FHIT: variants seen among roughly 807,000 people sequenced by gnomAD.
FHIT encodes bis(5'-adenosyl)-triphosphatase.
In FHIT, 19 loss-of-function variants were observed where a neutral mutation model predicts 17.9. The observed-to-expected ratio is 1.06, with a 90% CI of 0.74 to 1.56. The LOEUF (loss-of-function observed/expected upper bound fraction) is 1.56, where lower values mean the gene tolerates loss of function less well. Among genes scored for constraint, FHIT ranks in the 40% most tolerant of loss-of-function variants. The probability of loss-of-function intolerance (pLI) is 0.00; values close to 1 mark genes in which losing one functional copy is unlikely to be tolerated. For synonymous variants in FHIT, 81 were observed against 69.7 expected (o/e 1.16, Z -0.81); for missense variants, 248 against 189.2 (o/e 1.31, Z -1.82).
chr3:60,661,201 C>T (rs1263354065), intron 4 of FHIT, among the ~76,000 whole-genome samples: 1 of 152,062 alleles, frequency 6.6e-6, no homozygotes, highest in Admixed American at 6.6e-5. Context: ...TCATCCTTCA[C>T]CTCCCTCCTC....
At chr3:61,207,860 G>C (rs2039302805) in intron 1 of FHIT, among the ~76,000 whole-genome samples, 1 of 151,338 alleles carries the variant, frequency 6.6e-6, no homozygotes, top group Non-Finnish European at 1.5e-5. Context: ...CCTTCTGCTA[G>C]TGTTGAGTGT....
chr3:60,227,183 G>A (rs1279789199), intron 5 of FHIT, among the ~76,000 whole-genome samples: 1 of 152,078 alleles, frequency 6.6e-6, no homozygotes, highest in Non-Finnish European at 1.5e-5. Context: ...TGATTCAAAG[G>A]AATCACTAAA....
chr3:61,221,855 G>A (rs967251060), intron 1 of FHIT, among the ~76,000 whole-genome samples: 2 of 152,210 alleles, frequency 1.3e-5, no homozygotes, highest in African/African-American at 4.8e-5. Flanking sequence ...TAAGAAGAGT[G>A]GGGTCCAACG....
chr3:60,325,086 C>CA (rs200775620), intron 5 of FHIT, among the ~76,000 whole-genome samples: 2,658 of 145,206 alleles, frequency 0.018, 78 homozygotes, highest in African/African-American at 0.064. Flanking sequence ...CACTTCACAG[C>CA]AAAAAAACAG....
At chr3:60,654,807 A>G (rs1483202874) in intron 4 of FHIT, among the ~76,000 whole-genome samples, 2 of 152,196 alleles carry the variant, frequency 1.3e-5, no homozygotes, top group Admixed American at 6.5e-5. Context: ...AAAAATCACA[A>G]AAAAAGACTA....
At chr3:60,041,800 G>A (rs903005831) in intron 5 of FHIT, among the ~76,000 whole-genome samples, 3 of 152,022 alleles carry the variant, frequency 2.0e-5, no homozygotes, top group Admixed American at 1.3e-4. Flanking sequence ...ATTTGTTTTG[G>A]GACAAAGGTC....
intron 4 of FHIT, among the ~76,000 whole-genome samples, chr3:60,656,606 C>T (rs2040122017): frequency 6.6e-6 from 1 of 152,110 alleles, no homozygotes; most frequent in Non-Finnish European, 1.5e-5. Context: ...TGGCTTTCTC[C>T]ACCCTCCACC....
intron 4 of FHIT, among the ~76,000 whole-genome samples, chr3:60,640,327 C>T (rs1460499915): frequency 3.3e-5 from 5 of 151,894 alleles, no homozygotes; most frequent in African/African-American, 1.2e-4. Flanking sequence ...GTTGAAATTC[C>T]CCAAAGACAG....
chr3:60,877,791 C>T (rs1376303570), intron 3 of FHIT, among the ~76,000 whole-genome samples: 1 of 152,020 alleles, frequency 6.6e-6, no homozygotes, highest in Non-Finnish European at 1.5e-5. Flanking sequence ...TGGACTAGCC[C>T]ACTAGAGTCT....
intron 7 of FHIT, among the ~76,000 whole-genome samples, chr3:59,965,285 A>G (rs564122194): frequency 6.6e-6 from 1 of 152,286 alleles, no homozygotes; most frequent in South Asian, 2.1e-4. Flanking sequence ...TGTATGGGAA[A>G]TACAGACTCC....
intron 5 of FHIT, among the ~76,000 whole-genome samples, chr3:60,183,698 C>T (rs1277306901): frequency 6.6e-6 from 1 of 152,144 alleles, no homozygotes; most frequent in East Asian, 1.9e-4. Context: ...CCTCTTGCCT[C>T]CCCAGAATCC....
chr3:60,645,157 A>C (rs572443497), intron 4 of FHIT, among the ~76,000 whole-genome samples: 1 of 151,970 alleles, frequency 6.6e-6, no homozygotes, highest in South Asian at 2.1e-4. Flanking sequence ...TACTGTATTG[A>C]AGTATATCAA....
rs552619692 is a variant in FHIT, at chr3:60,100,993, C to T, written c.104-86841G>A. 2.2e-4 allele frequency among the ~76,000 whole-genome samples: 33 copies of T among 152,306 alleles called. 1 individual carries two copies. The highest frequency in any genetic ancestry group is 7.2e-4 in the Admixed American group (11 of 15,300). ...GTAACAGCTCTAATTCTTGTTGACT[C>T]TATTTCTGAAATAGAGTCTGAATAT... is the stretch of plus-strand genomic sequence containing the variant. On this transcript the variant is annotated intron_variant, in intron 5 of 9. Transcript: ENST00000492590.
intron 5 of FHIT, among the ~76,000 whole-genome samples, chr3:60,053,084 T>G (rs936950809): frequency 6.6e-6 from 1 of 151,932 alleles, no homozygotes; most frequent in African/African-American, 2.4e-5. Flanking sequence ...AATGCCAAGC[T>G]CCATCCCATC....
At chr3:60,147,721 G>C (rs1700301322) in intron 5 of FHIT, among the ~76,000 whole-genome samples, 1 of 152,128 alleles carries the variant, frequency 6.6e-6, no homozygotes, top group South Asian at 2.1e-4. Flanking sequence ...AGTTGAGTTA[G>C]GCTATCTTCC....
At chr3:60,772,256 C>T (rs1179314065) in intron 4 of FHIT, among the ~76,000 whole-genome samples, 1 of 142,970 alleles carries the variant, frequency 7.0e-6, no homozygotes, top group Non-Finnish European at 1.5e-5. Flanking sequence ...TCCAGATTAT[C>T]ACTGAGATAG....
intron 5 of FHIT, among the ~76,000 whole-genome samples, chr3:60,439,959 C>CTCTT (rs990402004): frequency 1.3e-5 from 2 of 151,996 alleles, no homozygotes; most frequent in African/African-American, 4.8e-5. Context: ...CAATCCTTTA[C>CTCTT]TCTTTCTCAC....
intron 4 of FHIT, among the ~76,000 whole-genome samples, chr3:60,771,364 T>C (rs1700035243): frequency 6.6e-6 from 1 of 152,232 alleles, no homozygotes; most frequent in Non-Finnish European, 1.5e-5. Context: ...ATCAATACTC[T>C]TTCTGAAAAC....
chr3:60,866,707 A>C (rs1014228744), intron 3 of FHIT, among the ~76,000 whole-genome samples: 1 of 152,214 alleles, frequency 6.6e-6, no homozygotes, highest in Admixed American at 6.5e-5. Flanking sequence ...GGGTTTTTCC[A>C]GCTTTGCCTA....
Sources: allele counts gnomAD v4.1 joint callset (sites outside exome capture counted in the v4.1 genomes callset), GRCh38; gene constraint gnomAD v4.1.1; transcripts MANE v1.5; gene names NCBI Gene and HGNC (gene_info 2026-07-23, HGNC 2026-07-21).